Variants in ADARB1 observed in about 807,000 individuals in gnomAD.
ADARB1 encodes the protein adenosine deaminase RNA specific B1, also known as double-stranded RNA-specific editase 1.
A neutral mutation model predicts 52.4 loss-of-function variants in ADARB1; 10 were observed. The observed-to-expected ratio is 0.19, with a 90% CI of 0.12 to 0.32. The LOEUF (loss-of-function observed/expected upper bound fraction) is 0.32, where lower values mean the gene tolerates loss of function less well. Among genes scored for constraint, ADARB1 ranks in the 10% least tolerant of loss-of-function variants. ADARB1 has a pLI of 1.00. For missense variants in ADARB1, 643 were observed against 922.3 expected (o/e 0.70, Z 3.92); for synonymous variants, 349 against 371.1 (o/e 0.94, Z 0.68).
intron 1 of ADARB1, among the ~76,000 whole-genome samples, chr21:45,081,416 G>A (rs1194750220): frequency 2.6e-5 from 4 of 152,154 alleles, no homozygotes; most frequent in African/African-American, 7.2e-5. Context: ...AATTGCATGC[G>A]ATATTAAGTA....
chr21:45,134,148 T>G (rs1413289733), intron 2 of ADARB1, among the ~76,000 whole-genome samples: 2 of 53,596 alleles, frequency 3.7e-5, no homozygotes, highest in Non-Finnish European at 7.2e-5. Flanking sequence ...TGCCCGACAG[T>G]GGTGTGTGCG....
chr21:45,224,829 G>A lies in ADARB1; in HGVS notation c.*2632G>A, dbSNP rs943697427. The A allele has an allele frequency of 1.6e-5, 16 of 985,680 alleles. No homozygotes were observed. The highest frequency in any genetic ancestry group is 6.2e-5 in the Admixed American group (1 of 16,254). The allele number at this position is 985,680 out of a possible 1,614,324, so 61.1% of individuals were successfully genotyped here. A position where few individuals can be genotyped will look rare whatever the true frequency, so the allele number is the denominator to read the frequency against. Reference sequence around the variant, plus strand: ...TCAGAAAAAAAATAAACAAAATACAGAACGCTGACTCCTCCGTGAGACAGA... The same window carrying A: ...TCAGAAAAAAAATAAACAAAATACAAAACGCTGACTCCTCCGTGAGACAGA... On this transcript the variant is annotated 3_prime_UTR_variant, in exon 11 of 11. Transcript: ENST00000348831.
Position 45,176,291 on chromosome 21 carries a change from A to C in ADARB1, c.590A>C (p.Asp197Ala). 1 of 1,614,126 alleles carries C rather than the reference A, an allele frequency of 6.2e-7. No homozygotes were observed. Among genetic ancestry groups the C allele is most frequent in the Non-Finnish European group, 8.5e-7 (1 of 1,180,004 alleles). ...CCCTTTTACGTGGGCTCCAATGGGG[A>C]TGACTCCTTCAGTTCCAGCGGGGAC... ...EPPFYVGSNG[D>A]DSFSSSGDLS... The change falls in exon 4 of 11, where the codon GAT (aspartate) becomes GCT (alanine). Residue 197 changes from aspartate (D) to alanine (A), a missense_variant. Physicochemically the swap from Asp to Ala is moderately radical, Grantham distance 126. Around this residue, in one of 2 missense-constraint regions of ADARB1, gnomAD observed 380 missense variants for 446.5 expected, o/e 0.85. Transcript: ENST00000348831. The surrounding 1 kb of genome is among the most constrained non-coding windows in gnomAD (Gnocchi z 5.8).
At chr21:45,091,194 C>T (rs897659432) in intron 1 of ADARB1, among the ~76,000 whole-genome samples, 44 of 152,144 alleles carry the variant, frequency 2.9e-4, no homozygotes, top group Admixed American at 1.2e-3. Flanking sequence ...TCTATTTGAC[C>T]GTCCTTGCCA....
rs756785178 is a variant in ADARB1 at position 45,175,778 on chromosome 21, C to G, written c.77C>G (p.Ser26Cys). The G allele has an allele frequency of 1.6e-5, 26 of 1,614,158 alleles. No homozygotes were observed. The highest frequency in any genetic ancestry group is 1.9e-5 in the Non-Finnish European group (23 of 1,180,016). ...GAAAACCGCAATCTGGACAACGTGTCCCCCAAGGATGGCAGCACACCTGGG... is the reference window on the plus strand; with the variant it reads ...GAAAACCGCAATCTGGACAACGTGTGCCCCAAGGATGGCAGCACACCTGGG... ...VKENRNLDNV[S>C]PKDGSTPGPG... is the part of the protein sequence containing the mutation. The change falls in exon 4 of 11, where the codon TCC (serine) becomes TGC (cysteine). Residue 26 changes from serine (S) to cysteine (C), a missense_variant. Physicochemically the swap from Ser to Cys is moderately radical, Grantham distance 112. Coordinates refer to ENST00000348831, the MANE Select transcript of ADARB1 (RefSeq NM_001112.4).
Position 45,200,970 on chromosome 21 carries a change from G to A in ADARB1, c.1566-3585G>A, listed in dbSNP as rs1434297473. On this transcript the variant is annotated intron_variant, in intron 8 of 10. Coordinates refer to ENST00000348831, the MANE Select transcript of ADARB1 (RefSeq NM_001112.4). The surrounding 1 kb of genome is among the most constrained non-coding windows in gnomAD (Gnocchi z 5.0). ...CACAAGGAAAATGAAAGACGAAGAAGGCCAGGCACAGATGCCTAGACCCGG... is the reference window on the plus strand; with the variant it reads ...CACAAGGAAAATGAAAGACGAAGAAAGCCAGGCACAGATGCCTAGACCCGG... Among the ~76,000 whole-genome samples the A allele has an allele frequency of 6.6e-6, 1 of 152,224 alleles. No homozygotes were observed. The highest frequency in any genetic ancestry group is 2.4e-5 in the African/African-American group (1 of 41,448).
At chr21:45,111,256 CTGTT>C (rs1389966504) in intron 1 of ADARB1, among the ~76,000 whole-genome samples, 2 of 152,200 alleles carry the variant, frequency 1.3e-5, no homozygotes, top group African/African-American at 4.8e-5. Context: ...ATCCTGCAAC[CTGTT>C]TGTTTGGGCG....
intron 1 of ADARB1, among the ~76,000 whole-genome samples, chr21:45,075,374 C>G (rs959230915): frequency 6.6e-6 from 1 of 151,866 alleles, no homozygotes; most frequent in South Asian, 2.1e-4. Context: ...TGGGCCCGGG[C>G]AGGGGAGGCT....
chr21:45,168,465 C>G (rs2091343264), intron 2 of ADARB1, among the ~76,000 whole-genome samples: 1 of 152,152 alleles, frequency 6.6e-6, no homozygotes, highest in Admixed American at 6.5e-5. Flanking sequence ...CATGTAAGCC[C>G]ATAATCTATT....
intron 1 of ADARB1, among the ~76,000 whole-genome samples, chr21:45,083,499 G>C (rs1601247482): frequency 6.6e-6 from 1 of 152,314 alleles, no homozygotes; most frequent in African/African-American, 2.4e-5. Context: ...TGGAAAAGTA[G>C]CTCTGTCCTG....
In ADARB1 at chr21:45,223,714, G is replaced by A. The variant is rs768448394; in HGVS notation, c.*1517G>A. Reference sequence around the variant, plus strand: ...GAAACCAGAGCAGGGGCAGAGGGGCGTCATCCTCCCACCGGACGCTGGGAG... The same window carrying A: ...GAAACCAGAGCAGGGGCAGAGGGGCATCATCCTCCCACCGGACGCTGGGAG... On this transcript the variant is annotated 3_prime_UTR_variant, in exon 11 of 11. Coordinates refer to ENST00000348831, the MANE Select transcript of ADARB1 (RefSeq NM_001112.4). The A allele has an allele frequency of 7.9e-4, 776 of 985,460 alleles. No individual in the cohort carries two copies. The highest frequency in any genetic ancestry group is 8.6e-4 in the Non-Finnish European group (715 of 830,006). 61.0% of individuals were successfully genotyped at this position (985,460 alleles called of 1,614,324 possible). A position where few individuals can be genotyped will look rare whatever the true frequency, so the allele number is the denominator to read the frequency against.
intron 1 of ADARB1, among the ~76,000 whole-genome samples, chr21:45,100,139 A>G (rs554026161): frequency 2.0e-4 from 30 of 152,334 alleles, no homozygotes; most frequent in African/African-American, 7.2e-4. Flanking sequence ...TTAACTTGTA[A>G]AAATTATTCA....
At chr21:45,151,694 G>T (rs2090299427) in intron 2 of ADARB1, among the ~76,000 whole-genome samples, 1 of 152,172 alleles carries the variant, frequency 6.6e-6, no homozygotes, top group Non-Finnish European at 1.5e-5. Context: ...GAGGGCTGTG[G>T]GTTCTGCTTT....
intron 2 of ADARB1, among the ~76,000 whole-genome samples, chr21:45,133,246 G>A (rs1298113436): frequency 6.6e-6 from 1 of 152,260 alleles, no homozygotes. Flanking sequence ...CAGGCCCACT[G>A]GCTCTTGGCA....
At chr21:45,192,558 G>C (rs745776443) in intron 8 of ADARB1, among the ~76,000 whole-genome samples, 2 of 152,158 alleles carry the variant, frequency 1.3e-5, no homozygotes, top group Non-Finnish European at 2.9e-5. Flanking sequence ...GCCACCATGT[G>C]AGAGTTGTGA....
chr21:45,093,114 C>T (rs2086623465), intron 1 of ADARB1, among the ~76,000 whole-genome samples: 2 of 152,172 alleles, frequency 1.3e-5, no homozygotes, highest in South Asian at 2.1e-4. Flanking sequence ...AAATTAGTCT[C>T]TGAAATAAGC....
At chr21:45,214,800 T>A (rs1283478729) in intron 9 of ADARB1, among the ~76,000 whole-genome samples, 1 of 152,220 alleles carries the variant, frequency 6.6e-6, no homozygotes, top group East Asian at 1.9e-4. Context: ...AGTTTTGAGG[T>A]CAGGTAGAGT....
intron 2 of ADARB1, among the ~76,000 whole-genome samples, chr21:45,152,357 G>C (rs905846534): frequency 6.9e-6 from 1 of 144,954 alleles, no homozygotes; most frequent in African/African-American, 2.5e-5. Flanking sequence ...TGCGCTGAAC[G>C]GTTAGCTGTC....
At chr21:45,113,497 ATG>A (rs35666010) in intron 1 of ADARB1, among the ~76,000 whole-genome samples, 85,615 of 146,106 alleles carry the variant, frequency 0.59, 24,981 homozygotes, top group Non-Finnish European at 0.65. Flanking sequence ...GTGTGTATAT[ATG>A]TGTGTGTGTG....
Sources: gnomAD v4.1 joint callset for allele counts (sites outside exome capture counted in the v4.1 genomes callset) on GRCh38, gnomAD v4.1.1 for gene constraint, gnomAD v4.1.1 regional missense constraint, Gnocchi (gnomAD v3.1) non-coding constraint, MANE v1.5 for transcripts, NCBI Gene and HGNC (gene_info 2026-07-23, HGNC 2026-07-21) for gene names.